Variants in CYRIB observed in about 807,000 individuals in gnomAD.
The protein encoded by CYRIB is CYFIP-related Rac1 interactor B.
CYRIB carries 8 observed loss-of-function variants against 44.2 expected under a neutral mutation model. That is an observed-to-expected ratio of 0.18 (90% confidence interval 0.11 to 0.33). The LOEUF is 0.33. CYRIB is among the 10% of genes least tolerant of loss of function. The pLI is 1.00. For synonymous variants in CYRIB, 131 were observed against 127.2 expected (o/e 1.03, Z -0.20); for missense variants, 185 against 382.8 (o/e 0.48, Z 4.31).
intron 1 of CYRIB, among the ~76,000 whole-genome samples, chr8:129,907,043 G>A (rs867150571): frequency 3.9e-5 from 6 of 152,180 alleles, no homozygotes; most frequent in African/African-American, 1.2e-4. Context: ...ACAGTGTGGC[G>A]ATTCCTCAGG....
chr8:130,012,563 T>C (rs1482593073), intron 1 of CYRIB, among the ~76,000 whole-genome samples: 3 of 152,194 alleles, frequency 2.0e-5, no homozygotes, highest in Admixed American at 6.5e-5. Flanking sequence ...CTGGGCACTT[T>C]CCATACAACC....
chr8:129,910,504 T>TTA (rs1491195247), intron 1 of CYRIB, among the ~76,000 whole-genome samples: 2 of 133,086 alleles, frequency 1.5e-5, no homozygotes, highest in African/African-American at 5.6e-5. Flanking sequence ...TTTTTTTTTT[T>TTA]AAAGAGACAA....
At position 129,896,282 on chromosome 8, in the gene CYRIB, T is replaced by G. The variant is rs192861789; in HGVS notation, c.-11+7030A>C. Among the ~76,000 whole-genome samples, 69 of 152,320 alleles carry G rather than the reference T, an allele frequency of 4.5e-4. No homozygotes were observed. In the South Asian group the frequency reaches 9.9e-3, roughly 22 times the overall value. Reference sequence around the variant, plus strand: ...TAAAAAGAGTAGGTTTAGGTCAAATTAAACAAAGTGCAACTTAATAAATTA... The same window carrying G: ...TAAAAAGAGTAGGTTTAGGTCAAATGAAACAAAGTGCAACTTAATAAATTA... On this transcript the variant is annotated intron_variant, in intron 2 of 11. Coordinates refer to ENST00000519824, the Ensembl canonical transcript of CYRIB.
intron 2 of CYRIB, among the ~76,000 whole-genome samples, chr8:129,956,673 A>G (rs1019919109): frequency 6.6e-6 from 1 of 152,124 alleles, no homozygotes; most frequent in African/African-American, 2.4e-5. Flanking sequence ...CCTAATGAAA[A>G]CCAATTGATC....
chr8:129,994,700 C>A (rs893672920), intron 1 of CYRIB, among the ~76,000 whole-genome samples: 6 of 152,206 alleles, frequency 3.9e-5, no homozygotes, highest in Non-Finnish European at 7.3e-5. Context: ...GGAACATCGA[C>A]AACAGAAATC....
intron 5 of CYRIB, among the ~76,000 whole-genome samples, 169 bp from the exon 8 acceptor site, chr8:129,855,916 A>G (rs2045986869): frequency 6.6e-6 from 1 of 152,250 alleles, no homozygotes; most frequent in Admixed American, 6.5e-5. Context: ...GCCATTGCTA[A>G]TGTACTACAC....
At chr8:129,931,805 T>G (rs1482306458) in intron 1 of CYRIB, among the ~76,000 whole-genome samples, 1 of 151,878 alleles carries the variant, frequency 6.6e-6, no homozygotes. Context: ...CTTTGTATTT[T>G]AAGTAGAGAC....
At chr8:129,917,225 T>A (rs985716547) in intron 1 of CYRIB, among the ~76,000 whole-genome samples, 1 of 152,142 alleles carries the variant, frequency 6.6e-6, no homozygotes, top group Non-Finnish European at 1.5e-5. Flanking sequence ...ATACCATTCA[T>A]CCATCCAAGT....
chr8:129,901,917 A>G (rs1454236478), intron 2 of CYRIB, among the ~76,000 whole-genome samples: 1 of 152,224 alleles, frequency 6.6e-6, no homozygotes, highest in Non-Finnish European at 1.5e-5. Context: ...AAGCACACAT[A>G]TTACTTATCA....
intron 1 of CYRIB, among the ~76,000 whole-genome samples, chr8:129,935,122 C>T (rs865814040): frequency 1.2e-4 from 19 of 152,092 alleles, no homozygotes; most frequent in African/African-American, 3.9e-4. Context: ...CACTTTGGTC[C>T]GAGAACAGTA....
chr8:129,880,557 G>T, intron 2 of CYRIB: 1 of 400,706 alleles, frequency 2.5e-6, no homozygotes, highest in Non-Finnish European at 3.4e-6. Context: ...TTATCAACAG[G>T]TGCAGGTTTA....
intron 1 of CYRIB, among the ~76,000 whole-genome samples, chr8:129,928,140 A>G (rs1483362709): frequency 6.6e-6 from 1 of 151,844 alleles, no homozygotes; most frequent in Non-Finnish European, 1.5e-5. Context: ...AAAAAAAGTT[A>G]AACTAGACTC....
chr8:129,946,116 T>C (rs542090841), intron 2 of CYRIB, among the ~76,000 whole-genome samples: 1 of 152,324 alleles, frequency 6.6e-6, no homozygotes. Context: ...GTTTTCTTTG[T>C]TTTTCCCTTT....
At chr8:130,006,924 G>C (rs1228814550) in intron 1 of CYRIB, among the ~76,000 whole-genome samples, 2 of 151,794 alleles carry the variant, frequency 1.3e-5, no homozygotes, top group Non-Finnish European at 2.9e-5. Flanking sequence ...CAATCCCCCA[G>C]AGTGTATGGT....
At chr8:129,898,005 C>A (rs945512192) in intron 2 of CYRIB, among the ~76,000 whole-genome samples, 9 of 152,016 alleles carry the variant, frequency 5.9e-5, no homozygotes, top group African/African-American at 2.2e-4. Context: ...ACCAGGTGAT[C>A]CACCCGCCTC....
chr8:130,004,886 C>A (rs961776602), intron 1 of CYRIB, among the ~76,000 whole-genome samples: 4 of 151,674 alleles, frequency 2.6e-5, no homozygotes, highest in Non-Finnish European at 4.4e-5. Context: ...CCTGCCTCAG[C>A]CTCCCGAGTA....
intron 1 of CYRIB, among the ~76,000 whole-genome samples, chr8:129,983,337 C>T (rs1564608512): frequency 6.6e-6 from 1 of 151,914 alleles, no homozygotes; most frequent in African/African-American, 2.4e-5. Flanking sequence ...CCCAGCTACT[C>T]GGGAGGCTGA....
At chr8:129,905,632 G>T (rs756185926) in intron 1 of CYRIB, among the ~76,000 whole-genome samples, 11 of 151,842 alleles carry the variant, frequency 7.2e-5, no homozygotes, top group Non-Finnish European at 1.5e-4. Flanking sequence ...TGCTTTTTCT[G>T]CCGAAGATAA....
At position 129,952,521 on chromosome 8, in the gene CYRIB, C is replaced by A. The variant is rs2094559418; in HGVS notation, c.-243+18422G>T. Among the ~76,000 whole-genome samples, 6 of 152,070 alleles carry A rather than the reference C, an allele frequency of 3.9e-5. No individual in the cohort carries two copies. In the South Asian group the frequency reaches 1.2e-3, roughly 32 times the overall value. The stretch of plus-strand genomic sequence containing the variant: ...AGAGAGGATCAGAGAAGGTAAAACT[C>A]AATGATAACAAGATGAATGTGGAAG... On this transcript the variant is annotated intron_variant, in intron 2 of 14. Transcript: ENST00000401979.
Sources: allele counts gnomAD v4.1 joint callset (sites outside exome capture counted in the v4.1 genomes callset), GRCh38; gene constraint gnomAD v4.1.1; transcripts MANE v1.5; gene names NCBI Gene and HGNC (gene_info 2026-07-23, HGNC 2026-07-21).